Variants in LRRC32 observed in about 807,000 individuals in gnomAD.
LRRC32 encodes the protein leucine rich repeat containing 32.
A neutral mutation model predicts 15.0 loss-of-function variants in LRRC32; 5 were observed. That is an observed-to-expected ratio of 0.33 (90% confidence interval 0.17 to 0.70). The LOEUF (loss-of-function observed/expected upper bound fraction) is 0.70, where lower values mean the gene tolerates loss of function less well. Ranked by LOEUF, LRRC32 falls within the 30% of genes least tolerant of loss-of-function variation. The pLI, the probability that LRRC32 is intolerant of heterozygous loss-of-function variation, is 0.66. For synonymous variants in LRRC32, 391 were observed against 403.9 expected, an observed-to-expected ratio of 0.97 and a Z score of 0.38; for missense variants, 803 against 854.2, an observed-to-expected ratio of 0.94 and a Z score of 0.75.
chr11:76,667,530 A>G (rs1046493878), intron 1 of LRRC32, among the ~76,000 whole-genome samples: 9 of 152,360 alleles, frequency 5.9e-5, no homozygotes. Context: ...CACAGACCAC[A>G]GCCGGACCCG....
At chr11:76,668,014 A>G (rs1442948868) in intron 1 of LRRC32, among the ~76,000 whole-genome samples, 2 of 152,158 alleles carry the variant, frequency 1.3e-5, no homozygotes, top group African/African-American at 4.8e-5. Context: ...TGAGCACAGC[A>G]CCAAGCCCTC....
rs745885111 is a variant in LRRC32, at chr11:76,660,711, G to A, written c.882C>T (p.Ser294=). Reference sequence around the variant, plus strand: ...AGAGGGGCAGGGCTGACCAGCCCTCGGAAGGTGCGTGGATGCCCTTGCTGT... The same window carrying A: ...AGAGGGGCAGGGCTGACCAGCCCTCAGAAGGTGCGTGGATGCCCTTGCTGT... The part of the protein sequence containing the change: ...PQDSKGIHAP[S]EGWSALPLSA... The change falls in exon 3 of 3, where the codon TCC becomes TCT. Residue 294 remains serine (S), a synonymous_variant. Coordinates refer to ENST00000260061, the MANE Select transcript of LRRC32 (RefSeq NM_001128922.2). 4.1e-5 allele frequency: 66 copies of A among 1,613,976 alleles called. No individual in the cohort carries two copies. The highest frequency in any genetic ancestry group is 4.9e-5 in the Non-Finnish European group (58 of 1,179,992).
At chr11:76,665,835 G>C in intron 2 of LRRC32, 36 bp downstream of exon 2, 1 of 1,613,456 alleles carries the variant, frequency 6.2e-7, no homozygotes, top group Non-Finnish European at 8.5e-7. Flanking sequence ...AGGGAGGTGG[G>C]GGTGGTCCTC....
At position 76,660,166 on chromosome 11, in the gene LRRC32, T is replaced by C. The variant is rs1225794188; in HGVS notation, c.1427A>G (p.Asn476Ser). 1.2e-6 allele frequency: 2 copies of C among 1,600,530 alleles called. No homozygotes were observed. Among genetic ancestry groups the C allele is most frequent in the African/African-American group, 1.3e-5 (1 of 74,146 alleles). Residue 476 changes from asparagine to serine, a missense_variant, in exon 3 of 3, where the codon AAT becomes AGT. Asn to Ser is a conservative substitution (Grantham distance 46). Transcript: ENST00000260061. ...TPLTELDLSS[N>S]PGLEVATGAL... Reference sequence around the variant, plus strand: ...CCCCGTGGCCACCTCCAGCCCAGGATTGGAAGAAAGGTCCAGCTCAGTCAG... The same window carrying C: ...CCCCGTGGCCACCTCCAGCCCAGGACTGGAAGAAAGGTCCAGCTCAGTCAG...
Position 76,660,577 on chromosome 11 carries a change from G to A in LRRC32, c.1016C>T (p.Thr339Ile). The change falls in exon 3 of 3, where the codon ACC becomes ATC. Residue 339 changes from threonine (T) to isoleucine (I), a missense_variant. By Grantham distance (89) the Thr-to-Ile change is moderately conservative. Coordinates refer to ENST00000260061, the MANE Select transcript of LRRC32 (RefSeq NM_001128922.2). ...LIPDSFLEHL[T>I]SLCFLNLSRN... The stretch of plus-strand genomic sequence containing the variant: ...GCTGAGGTTCAGGAAGCACAGGGAG[G>A]TCAGGTGCTCAAGAAAGCTGTCGGG... The A allele has an allele frequency of 1.9e-6, 3 of 1,614,204 alleles. No homozygotes were observed. The highest frequency in any genetic ancestry group is 2.5e-6 in the Non-Finnish European group (3 of 1,180,030).
At chr11:76,666,276 G>T (rs1038774134) in intron 1 of LRRC32, among the ~76,000 whole-genome samples, 2 of 152,198 alleles carry the variant, frequency 1.3e-5, no homozygotes, top group African/African-American at 4.8e-5. Flanking sequence ...GGGATGCACA[G>T]AAGGCTGACA....
At chr11:76,669,282 C>T (rs999738682) in intron 1 of LRRC32, among the ~76,000 whole-genome samples, 3 of 151,524 alleles carry the variant, frequency 2.0e-5, no homozygotes, top group Non-Finnish European at 2.9e-5. Flanking sequence ...AGACAAGTGG[C>T]CTGGGCAAGA....
chr11:76,664,923 G>A (rs1251251792), intron 2 of LRRC32, among the ~76,000 whole-genome samples: 3 of 152,252 alleles, frequency 2.0e-5, no homozygotes, highest in Non-Finnish European at 2.9e-5. Context: ...CCAGGGAAGG[G>A]CTGCGGGCAG....
At chr11:76,662,009 A>G (rs1448093591) in intron 2 of LRRC32, among the ~76,000 whole-genome samples, 2 of 152,074 alleles carry the variant, frequency 1.3e-5, no homozygotes, top group Non-Finnish European at 2.9e-5. Flanking sequence ...ATGTTTCCAA[A>G]AGGGAAAACT....
rs1565402621 is a variant in LRRC32, at chr11:76,659,378, G to A, written c.*226C>T. 7.4e-5 allele frequency: 41 copies of A among 554,680 alleles called. 2 individuals carry two copies. In the South Asian group the frequency reaches 7.6e-4, roughly 10 times the overall value. 34.4% of individuals were successfully genotyped at this position (554,680 alleles called of 1,614,324 possible). A position where few individuals can be genotyped will look rare whatever the true frequency, so the allele number is the denominator to read the frequency against. On this transcript the variant is annotated 3_prime_UTR_variant, in exon 3 of 3. Coordinates refer to ENST00000260061, the MANE Select transcript of LRRC32 (RefSeq NM_001128922.2). The stretch of plus-strand genomic sequence containing the variant: ...GATCTGACAGGTCAACATTATTCTC[G>A]GCTGTCCCTGAAACCGCCCAACTTC...
chr11:76,660,524 G>A lies in LRRC32; in HGVS notation c.1069C>T (p.Arg357Trp), dbSNP rs201222193. Residue 357 changes from arginine (R) to tryptophan (W), a missense_variant, in exon 3 of 3, where the codon CGG becomes TGG. Transcript: ENST00000260061. ...SRNCLRTFEA[R>W]RLGSLPCLML... ...AGGCAGGGCAGGGAGCCTAAGCGCC[G>A]GGCCTCAAAGGTCCGCAAGCAGTTT... is the stretch of plus-strand genomic sequence containing the variant. The A allele has an allele frequency of 5.1e-5, 82 of 1,614,010 alleles. No individual in the cohort carries two copies. Among genetic ancestry groups the A allele is most frequent in the South Asian group, 5.5e-5 (5 of 91,070 alleles).
chr11:76,664,287 G>T lies in LRRC32; in HGVS notation c.84+1584C>A, dbSNP rs1171050885. Among the ~76,000 whole-genome samples the T allele has an allele frequency of 3.3e-5, 5 of 152,244 alleles. No individual in the cohort carries two copies. The South Asian group carries it at 1.0e-3, about 31-fold the overall frequency. On this transcript the variant is annotated intron_variant, in intron 2 of 2. Coordinates refer to ENST00000260061, the MANE Select transcript of LRRC32 (RefSeq NM_001128922.2). Reference sequence around the variant, plus strand: ...GGGCAGGGCTGCACTGGGATGCCCAGATCTCCAGTCCAGTCCAGGAAGAAG... The same window carrying T: ...GGGCAGGGCTGCACTGGGATGCCCATATCTCCAGTCCAGTCCAGGAAGAAG...
Position 76,660,533 on chromosome 11 carries a change from A to G in LRRC32, c.1060T>C (p.Phe354Leu). The change falls in exon 3 of 3, where the codon TTT becomes CTT. Residue 354 changes from phenylalanine (F) to leucine (L), a missense_variant. Phe to Leu is a conservative substitution (Grantham distance 22). Coordinates refer to ENST00000260061, the MANE Select transcript of LRRC32 (RefSeq NM_001128922.2). ...LNLSRNCLRT[F>L]EARRLGSLPC... The stretch of plus-strand genomic sequence containing the variant: ...AGGGAGCCTAAGCGCCGGGCCTCAA[A>G]GGTCCGCAAGCAGTTTCTGCTGAGG... The G allele has an allele frequency of 2.5e-6, 4 of 1,614,154 alleles. No homozygotes were observed. The highest frequency in any genetic ancestry group is 3.4e-6 in the Non-Finnish European group (4 of 1,180,016).
Position 76,661,183 on chromosome 11 carries a change from T to C in LRRC32, c.410A>G (p.Tyr137Cys), listed in dbSNP as rs1952523867. The C allele has an allele frequency of 6.2e-7, 1 of 1,613,836 alleles. No homozygotes were observed. The highest frequency in any genetic ancestry group is 8.5e-7 in the Non-Finnish European group (1 of 1,179,920). Residue 137 changes from tyrosine to cysteine, a missense_variant, in exon 3 of 3, where the codon TAC becomes TGC. Transcript: ENST00000260061. The stretch of plus-strand genomic sequence containing the variant: ...CAGCAGCCGCTCCAGCAGGCCGCTG[T>C]ACAGGCTGTTCCCAGACAGGTCCAG... ...TSLDLSGNSLYSGLLERLLGE... is the reference protein window; with the variant it reads ...TSLDLSGNSLCSGLLERLLGE...
chr11:76,660,141 C>G lies in LRRC32; in HGVS notation c.1452G>C (p.Gly484=), dbSNP rs150813320. 2 of 1,606,248 alleles carry G rather than the reference C, an allele frequency of 1.2e-6. No individual in the cohort carries two copies. The highest frequency in any genetic ancestry group is 1.7e-6 in the Non-Finnish European group (2 of 1,176,602). ...AGGAGGCCTCCAGGCCTCCCAAGGCCCCCGTGGCCACCTCCAGCCCAGGAT... is the reference window on the plus strand; with the variant it reads ...AGGAGGCCTCCAGGCCTCCCAAGGCGCCCGTGGCCACCTCCAGCCCAGGAT... ...SSNPGLEVAT[G]ALGGLEASLE... is the part of the protein sequence containing the mutation. The change falls in exon 3 of 3, where the codon GGG becomes GGC. Residue 484 remains glycine (G), a synonymous_variant. Transcript: ENST00000260061.
intron 1 of LRRC32, among the ~76,000 whole-genome samples, chr11:76,668,294 T>C (rs959603519): frequency 1.3e-5 from 2 of 152,004 alleles, no homozygotes; most frequent in African/African-American, 4.8e-5. Context: ...TTCCCTCTTA[T>C]CACTGCCACA....
intron 1 of LRRC32, among the ~76,000 whole-genome samples, chr11:76,669,376 TGTGTGTGTGTGAGA>T (rs1397126519): frequency 2.0e-5 from 3 of 148,682 alleles, no homozygotes; most frequent in African/African-American, 7.4e-5. Flanking sequence ...TGTGTGTGTG[TGTGTGTGTGTGAGA>T]GAGAGAGAGA....
rs1394970006 is a variant in LRRC32, at chr11:76,660,324, G to C, written c.1269C>G (p.Ser423Arg). Residue 423 changes from serine (S) to arginine (R), a missense_variant, in exon 3 of 3, where the codon AGC becomes AGG. Physicochemically the swap from Ser to Arg is moderately radical, Grantham distance 110. Transcript: ENST00000260061. ...CAGGCTCATCTGGCCCCCCACAGGG[G>C]CTGACTCGGTTCCCCTGCAGGTTGA... ...QRLNLQGNRVSPCGGPDEPGP... is the reference protein window; with the variant it reads ...QRLNLQGNRVRPCGGPDEPGP... 1.2e-6 allele frequency: 2 copies of C among 1,606,518 alleles called. No individual in the cohort carries two copies. Among genetic ancestry groups the C allele is most frequent in the African/African-American group, 1.3e-5 (1 of 74,870 alleles).
chr11:76,669,404 T>C (rs11236846), intron 1 of LRRC32, among the ~76,000 whole-genome samples: 1 of 117,300 alleles, frequency 8.5e-6, no homozygotes, highest in Non-Finnish European at 1.9e-5. Flanking sequence ...AGAGAGAGAG[T>C]GAGAGAGAAA....
Sources: allele counts gnomAD v4.1 joint callset (sites outside exome capture counted in the v4.1 genomes callset), GRCh38; gene constraint gnomAD v4.1.1; transcripts MANE v1.5; gene names NCBI Gene and HGNC (gene_info 2026-07-23, HGNC 2026-07-21).